Variants in TMC3 observed in about 807,000 individuals in gnomAD.
TMC3 encodes the protein transmembrane channel-like protein 3.
Under a neutral mutation model 110.6 loss-of-function variants are expected in TMC3, and 98 were observed. That is an observed-to-expected ratio of 0.89 (90% CI 0.75 to 1.05). The LOEUF (loss-of-function observed/expected upper bound fraction) is 1.05. Among genes scored for constraint, TMC3 ranks in the 50% least tolerant of loss-of-function variants. The pLI, the probability that TMC3 is intolerant of heterozygous loss-of-function variation, is 0.00. For missense variants in TMC3, 1,319 were observed against 1,373.2 expected (o/e 0.96, Z 0.62); for synonymous variants, 489 against 513.1 (o/e 0.95, Z 0.63).
chr15:81,334,641 G>C, intron 21 of TMC3, 79 bp downstream of exon 21: 1 of 1,503,148 alleles, frequency 6.7e-7, no homozygotes, highest in Non-Finnish European at 8.9e-7. Flanking sequence ...GAATTTAATG[G>C]CCTTGGCCTC....
At chr15:81,340,498 A>G (rs1405243421) in intron 16 of TMC3, among the ~76,000 whole-genome samples, 3 of 152,238 alleles carry the variant, frequency 2.0e-5, no homozygotes, top group African/African-American at 7.2e-5. Context: ...TTTGAAAGCC[A>G]CTGATATAGA....
At position 81,368,280 on chromosome 15, in the gene TMC3, G is replaced by T. The variant is rs1200387104; in HGVS notation, c.285C>A (p.Thr95=). ...VLKFEGRLTR[T]RGYQAAGAEL... ...CTGCACCTGCTGCTTGGTAGCCTCG[G>T]GTCCTGGTCAGCCTCCCTTCAAACT... Residue 95 remains threonine (T), a synonymous_variant, in exon 3 of 22, where the codon ACC becomes ACA. Transcript: ENST00000359440. 6.2e-7 allele frequency: 1 copy of T among 1,613,626 alleles called. No individual in the cohort carries two copies. Among genetic ancestry groups the T allele is most frequent in the Admixed American group, 1.7e-5 (1 of 59,988 alleles).
rs753888832 is a variant in TMC3 at position 81,333,279 on chromosome 15, G to T, written c.2460-17C>A. 6.3e-7 allele frequency: 1 copy of T among 1,583,812 alleles called. No individual in the cohort carries two copies. Among genetic ancestry groups the T allele is most frequent in the Non-Finnish European group, 8.6e-7 (1 of 1,162,568 alleles). Reference sequence around the variant, plus strand: ...TGCAGATACCTGTAAGACAGGGGCGGTTAAGTAGCTGTGGCCTTGGTGGTC... The same window carrying T: ...TGCAGATACCTGTAAGACAGGGGCGTTTAAGTAGCTGTGGCCTTGGTGGTC... On this transcript the variant is annotated splice_polypyrimidine_tract_variant and intron_variant, in intron 21 of 21. Coordinates refer to ENST00000359440, the MANE Select transcript of TMC3 (RefSeq NM_001080532.3).
At chr15:81,357,193 AG>A (rs1318938832) in intron 7 of TMC3, among the ~76,000 whole-genome samples, 3 of 151,998 alleles carry the variant, frequency 2.0e-5, no homozygotes, top group Non-Finnish European at 4.4e-5. Context: ...AAAGGGCCCG[AG>A]TCTTCCATGT....
Position 81,356,902 on chromosome 15 carries a change from C to T in TMC3, c.744-308G>A, listed in dbSNP as rs183974377. The stretch of plus-strand genomic sequence containing the variant: ...GTGTGTGCCCCAGGAGCCAGCTGTT[C>T]TCATCTCTTTGCAGCTGTGATTGTG... On this transcript the variant is annotated intron_variant, in intron 7 of 21. Coordinates refer to ENST00000359440, the MANE Select transcript of TMC3 (RefSeq NM_001080532.3). Among the ~76,000 whole-genome samples, 16 of 152,350 alleles carry T rather than the reference C, an allele frequency of 1.1e-4. No individual in the cohort carries two copies. The East Asian group carries it at 2.5e-3, about 24-fold the overall frequency.
Position 81,358,169 on chromosome 15 carries a change from G to A in TMC3, c.723C>T (p.Ser241=), listed in dbSNP as rs368783417. ...CATACTTTTTTAAAAGAATGATGAA[G>A]CTGTAAGCAAACACTGCCATCCCCA... ...FLVGMAVFAY[S]FIILLKKMAK... The change falls in exon 7 of 22, where the codon AGC becomes AGT. Residue 241 remains serine, a synonymous_variant. Coordinates refer to ENST00000359440, the MANE Select transcript of TMC3 (RefSeq NM_001080532.3). The A allele has an allele frequency of 2.8e-5, 45 of 1,604,996 alleles. No individual in the cohort carries two copies. The highest frequency in any genetic ancestry group is 3.8e-5 in the Non-Finnish European group (45 of 1,176,888).
chr15:81,332,580 A>T lies in TMC3; in HGVS notation c.3142T>A (p.Ser1048Thr). The T allele has an allele frequency of 1.9e-6, 3 of 1,613,932 alleles. No individual in the cohort carries two copies. Among genetic ancestry groups the T allele is most frequent in the Non-Finnish European group, 2.5e-6 (3 of 1,179,876 alleles). ...CTGCTGTTCTGCTGGTCACTGCTGG[A>T]TGCTGCCGACACGGAGTCAGATTCC... is the stretch of plus-strand genomic sequence containing the variant. The part of the protein sequence containing the change: ...LTESDSVSAA[S>T]SSDQQNSSAD... The change falls in exon 22 of 22, where the codon TCC becomes ACC. Residue 1048 changes from serine (S) to threonine (T), a missense_variant. Transcript: ENST00000359440.
chr15:81,356,748 G>A (rs1227322795), intron 7 of TMC3, among the ~76,000 whole-genome samples, 154 bp from the exon 8 acceptor site: 1 of 152,120 alleles, frequency 6.6e-6, no homozygotes, highest in Non-Finnish European at 1.5e-5. Flanking sequence ...AGCACCGACT[G>A]GATTTCTGCC....
At chr15:81,368,470 A>T (rs934920270) in intron 2 of TMC3, 142 bp from the exon 3 acceptor site, 1 of 583,826 alleles carries the variant, frequency 1.7e-6, no homozygotes, top group African/African-American at 2.0e-5. Flanking sequence ...GAATGGAGTT[A>T]CACAAATACT....
chr15:81,358,222 A>G lies in TMC3; in HGVS notation c.670T>C (p.Tyr224His). 1 of 1,613,620 alleles carries G rather than the reference A, an allele frequency of 6.2e-7. No individual in the cohort carries two copies. Among genetic ancestry groups the G allele is most frequent in the South Asian group, 1.1e-5 (1 of 90,990 alleles). ...GRERKIGRAG[Y>H]RLPLAYFLVG... ...AGGAAATACGCCAAGGGCAGCCGGT[A>G]GCCAGCTCTCCCGATCTTCCTCTCC... Residue 224 changes from tyrosine to histidine, a missense_variant, in exon 7 of 22, where the codon TAC (tyrosine) becomes CAC (histidine). Tyr to His is a moderately conservative substitution (Grantham distance 83). Coordinates refer to ENST00000359440, the MANE Select transcript of TMC3 (RefSeq NM_001080532.3).
intron 9 of TMC3, 61 bp downstream of exon 9, chr15:81,355,664 T>G: frequency 8.9e-7 from 1 of 1,127,028 alleles, no homozygotes; most frequent in South Asian, 1.3e-5. Flanking sequence ...CTGGTAGTTT[T>G]TGTACCAAAC....
chr15:81,370,344 C>T (rs1278750986), intron 2 of TMC3, among the ~76,000 whole-genome samples: 4 of 152,180 alleles, frequency 2.6e-5, no homozygotes, highest in Non-Finnish European at 5.9e-5. Context: ...GGAAGTGTTG[C>T]TCCAGTAGTT....
intron 10 of TMC3, among the ~76,000 whole-genome samples, chr15:81,349,769 T>TG (rs1344330384): frequency 7.2e-4 from 109 of 151,146 alleles, no homozygotes; most frequent in African/African-American, 2.6e-3. Flanking sequence ...CTTTTTTTTT[T>TG]TTTTTTTTGA....
intron 3 of TMC3, 30 bp downstream of exon 3, chr15:81,368,223 G>T (rs777436390): frequency 5.7e-6 from 9 of 1,580,224 alleles, no homozygotes; most frequent in Non-Finnish European, 7.8e-6. Flanking sequence ...GTGAGCCACC[G>T]CGCCCAGCCA....
intron 3 of TMC3, 121 bp downstream of exon 3, chr15:81,368,132 A>C (rs1894356124): frequency 1.5e-6 from 1 of 675,986 alleles, no homozygotes; most frequent in South Asian, 1.6e-5. Context: ...ATGGGGTTTC[A>C]CCGTGTTAGC....
intron 10 of TMC3, among the ~76,000 whole-genome samples, chr15:81,350,319 T>C (rs1475149622): frequency 1.3e-5 from 2 of 152,164 alleles, no homozygotes; most frequent in African/African-American, 4.8e-5. Context: ...TGACCTTGGA[T>C]GGAAGATGGA....
At position 81,343,950 on chromosome 15, in the gene TMC3, A is replaced by T. The variant is rs1188094215; in HGVS notation, c.1614T>A (p.Ser538Arg). 1 of 1,613,028 alleles carries T rather than the reference A, an allele frequency of 6.2e-7. No individual in the cohort carries two copies. The highest frequency in any genetic ancestry group is 1.7e-5 in the Admixed American group (1 of 59,998). ...TCTCCAGATCCCAACACCAGTAGTC[A>T]CTTAAGTACCGCACGAAAAGTCCTC... ...FFRGLFVRYLSDYWCWDLESK... is the reference protein window; with the variant it reads ...FFRGLFVRYLRDYWCWDLESK... Residue 538 changes from serine (S) to arginine (R), a missense_variant, in exon 14 of 22, where the codon AGT becomes AGA. By Grantham distance (110) the Ser-to-Arg change is moderately radical. Transcript: ENST00000359440.
At position 81,351,841 on chromosome 15, in the gene TMC3, C is replaced by A; in HGVS notation, c.936G>T (p.Leu312=). 1 of 1,611,966 alleles carries A rather than the reference C, an allele frequency of 6.2e-7. No individual in the cohort carries two copies. Among genetic ancestry groups the A allele is most frequent in the South Asian group, 1.1e-5 (1 of 90,406 alleles). Residue 312 remains leucine, a splice_region_variant and synonymous_variant, in exon 10 of 22, where the codon CTG becomes CTT. Coordinates refer to ENST00000359440, the MANE Select transcript of TMC3 (RefSeq NM_001080532.3). ...TAATCCTCAGGCAGATGGTCACTGC[C>A]CTGGGGAGAGAAACAGGCATGAGAA... ...EEQEKKKSKN[L]AVTICLRIIA...
At position 81,335,073 on chromosome 15, in the gene TMC3, T is replaced by C. The variant is rs1166710519; in HGVS notation, c.2204-98A>G. The stretch of plus-strand genomic sequence containing the variant: ...GCAAGGGTTTTATGACATCCAAGAG[T>C]TGGTCCGCAAACAATTGAGTGCACT... On this transcript the variant is annotated intron_variant, in intron 20 of 21. Transcript: ENST00000359440. The C allele has an allele frequency of 2.2e-6, 3 of 1,372,300 alleles. No individual in the cohort carries two copies. In the African/African-American group the frequency reaches 4.3e-5, roughly 20 times the overall value. The allele number at this position is 1,372,300 out of a possible 1,614,324, so 85.0% of individuals were successfully genotyped here.
Sources: gnomAD v4.1 joint callset for allele counts (sites outside exome capture counted in the v4.1 genomes callset) on GRCh38, gnomAD v4.1.1 for gene constraint, MANE v1.5 for transcripts, NCBI Gene and HGNC (gene_info 2026-07-23, HGNC 2026-07-21) for gene names.